CSMD2: variants seen among roughly 807,000 people sequenced by gnomAD.
The protein encoded by CSMD2 is CUB and sushi domain-containing protein 2.
In CSMD2, 130 loss-of-function variants were observed where a neutral mutation model predicts 398.5. That is an observed-to-expected ratio of 0.33 (90% CI 0.28 to 0.38). The LOEUF (loss-of-function observed/expected upper bound fraction) is 0.38. Ranked by LOEUF, CSMD2 falls within the 10% of genes least tolerant of loss-of-function variation. The probability of loss-of-function intolerance (pLI) is 1.00; values close to 1 mark genes in which losing one functional copy is unlikely to be tolerated. For missense variants in CSMD2, 3,829 were observed against 4,764.9 expected (o/e 0.80, Z 5.78); for synonymous variants, 1,828 against 1,908.5 (o/e 0.96, Z 1.10).
At chr1:33,799,369 G>T (rs114971139) in intron 10 of CSMD2, among the ~76,000 whole-genome samples, 1 of 152,182 alleles carries the variant, frequency 6.6e-6, no homozygotes, top group Non-Finnish European at 1.5e-5. Context: ...GTTCCATAAA[G>T]GTACTCCAGG....
intron 3 of CSMD2, among the ~76,000 whole-genome samples, chr1:33,980,133 A>G (rs1308733194): frequency 1.3e-5 from 2 of 152,010 alleles, no homozygotes; most frequent in Non-Finnish European, 2.9e-5. Flanking sequence ...TGGGGCTGGG[A>G]CTCTGGAACC....
chr1:34,128,934 AT>A, intron 1 of CSMD2, among the ~76,000 whole-genome samples: 1 of 152,218 alleles, frequency 6.6e-6, no homozygotes, highest in East Asian at 1.9e-4. Context: ...GGCATGCAGA[AT>A]TCACACCTGT....
chr1:33,943,724 G>A (rs184074703), intron 3 of CSMD2, among the ~76,000 whole-genome samples: 1 of 152,176 alleles, frequency 6.6e-6, no homozygotes, highest in South Asian at 2.1e-4. Flanking sequence ...AGCTGAGCCT[G>A]CTTGTTGTAA....
intron 17 of CSMD2, 122 bp downstream of exon 17, chr1:33,725,227 C>A (rs1293652390): frequency 5.0e-6 from 4 of 794,260 alleles, no homozygotes; most frequent in Non-Finnish European, 8.3e-6. Flanking sequence ...AAGGGCACAG[C>A]CTAGCCAAGA....
chr1:33,556,028 C>T (rs1454344427), intron 55 of CSMD2, among the ~76,000 whole-genome samples: 3 of 152,108 alleles, frequency 2.0e-5, no homozygotes, highest in African/African-American at 7.2e-5. Flanking sequence ...CACTCCTCCA[C>T]TGAAGCAGCA....
Position 33,577,900 on chromosome 1 carries a change from G to A in CSMD2, c.7388-416C>T, listed in dbSNP as rs909844668. 3.3e-5 allele frequency among the ~76,000 whole-genome samples: 5 copies of A among 152,126 alleles called. No homozygotes were observed. In the East Asian group the frequency reaches 5.8e-4, roughly 18 times the overall value. ...TTAGTGAGGGCTGGGCTCCAGTCCC[G>A]TTTCTGATCTGACCAGTTTCTGTAA... On this transcript the variant is annotated intron_variant, in intron 48 of 70. Transcript: ENST00000373381.
chr1:33,930,189 CAA>C (rs1644266135), intron 4 of CSMD2, among the ~76,000 whole-genome samples: 1 of 152,174 alleles, frequency 6.6e-6, no homozygotes, highest in African/African-American at 2.4e-5. Context: ...AACAGGCACT[CAA>C]GAGAAAGTTG....
chr1:33,714,060 C>T (rs1475142213), intron 21 of CSMD2, among the ~76,000 whole-genome samples: 1 of 152,160 alleles, frequency 6.6e-6, no homozygotes, highest in African/African-American at 2.4e-5. Context: ...ATAAATGACC[C>T]CGCCCCTGTT....
At chr1:33,532,728 G>A (rs1258204040) in intron 64 of CSMD2, among the ~76,000 whole-genome samples, 3 of 152,196 alleles carry the variant, frequency 2.0e-5, no homozygotes, top group Non-Finnish European at 2.9e-5. Context: ...ACAGGCGGGT[G>A]CTGTTTTATC....
At chr1:33,846,456 G>A (rs1661365618) in intron 6 of CSMD2, among the ~76,000 whole-genome samples, 1 of 152,236 alleles carries the variant, frequency 6.6e-6, no homozygotes, top group Non-Finnish European at 1.5e-5. Context: ...GACTCAAAAG[G>A]CAGGAGTTCA....
chr1:33,721,594 C>T (rs1646360853), intron 19 of CSMD2, among the ~76,000 whole-genome samples: 1 of 152,148 alleles, frequency 6.6e-6, no homozygotes, highest in African/African-American at 2.4e-5. Flanking sequence ...GCAGGATGAA[C>T]AAGGACACTG....
chr1:34,058,892 C>G (rs1210220158), intron 2 of CSMD2, among the ~76,000 whole-genome samples: 2 of 152,178 alleles, frequency 1.3e-5, no homozygotes, highest in Non-Finnish European at 2.9e-5. Flanking sequence ...ATTTTTAGAT[C>G]TCAACTAGCC....
chr1:33,959,530 A>G (rs930402340), intron 3 of CSMD2, among the ~76,000 whole-genome samples: 1 of 152,064 alleles, frequency 6.6e-6, no homozygotes, highest in Non-Finnish European at 1.5e-5. Flanking sequence ...CCCGGGACAT[A>G]TCCAGGTTTA....
chr1:34,102,601 A>ATGCTGGACCTT (rs1246003442), intron 1 of CSMD2, among the ~76,000 whole-genome samples: 1 of 81,922 alleles, frequency 1.2e-5, no homozygotes, highest in Non-Finnish European at 3.1e-5. Flanking sequence ...TAATCCGGCC[A>ATGCTGGACCTT]TATCCCTGTG....
chr1:33,807,851 AG>A (rs1474992038), intron 10 of CSMD2, among the ~76,000 whole-genome samples: 3 of 152,196 alleles, frequency 2.0e-5, no homozygotes, highest in African/African-American at 7.2e-5. Context: ...AAATGGTCAG[AG>A]GGGATTTTTG....
chr1:34,139,364 C>T (rs1041414604), intron 1 of CSMD2, among the ~76,000 whole-genome samples: 3 of 152,156 alleles, frequency 2.0e-5, no homozygotes, highest in Non-Finnish European at 4.4e-5. Context: ...TGCAGAGAGT[C>T]CCCACTAGCA....
chr1:33,726,782 G>T, intron 15 of CSMD2, 97 bp from the exon 16 acceptor site: 1 of 1,327,062 alleles, frequency 7.5e-7, no homozygotes, highest in Non-Finnish European at 1.0e-6. Context: ...AATAAGTATA[G>T]TTTTTGTTTT....
At chr1:33,923,598 C>G (rs963456270) in intron 4 of CSMD2, among the ~76,000 whole-genome samples, 3 of 152,214 alleles carry the variant, frequency 2.0e-5, no homozygotes, top group Admixed American at 2.0e-4. Flanking sequence ...GTATTTAGGG[C>G]ATCCATCACC....
chr1:33,815,888 AGAG>A (rs1047945063), intron 9 of CSMD2, among the ~76,000 whole-genome samples: 9 of 152,172 alleles, frequency 5.9e-5, no homozygotes, highest in Admixed American at 4.6e-4. Flanking sequence ...AAATAAGTGG[AGAG>A]GAGAAGAGAG....
Sources: gnomAD v4.1 joint callset for allele counts (sites outside exome capture counted in the v4.1 genomes callset) on GRCh38, gnomAD v4.1.1 for gene constraint, MANE v1.5 for transcripts, NCBI Gene and HGNC (gene_info 2026-07-23, HGNC 2026-07-21) for gene names.